The following ZNF354A variants were observed in gnomAD, a reference collection of about 807,000 sequenced individuals.
The protein encoded by ZNF354A is zinc finger protein 354A.
ZNF354A carries 25 observed loss-of-function variants against 53.3 expected under a neutral mutation model. The observed-to-expected ratio is 0.47, with a 90% CI of 0.34 to 0.66. ZNF354A has a LOEUF of 0.66. Ranked by LOEUF, ZNF354A falls within the 30% of genes least tolerant of loss-of-function variation. The probability of loss-of-function intolerance (pLI) is 0.01; values close to 1 mark genes in which losing one functional copy is unlikely to be tolerated. For missense variants in ZNF354A, 586 were observed against 716.8 expected (o/e 0.82, Z 2.08); for synonymous variants, 228 against 249.0 (o/e 0.92, Z 0.79).
At chr5:178,722,412 G>A (rs1488861000) in intron 4 of ZNF354A, among the ~76,000 whole-genome samples, 1 of 152,162 alleles carries the variant, frequency 6.6e-6, no homozygotes, top group Non-Finnish European at 1.5e-5. Context: ...CTCCAAATCT[G>A]ATCTCCTTCT....
At chr5:178,723,976 C>T (rs145931055) in intron 4 of ZNF354A, among the ~76,000 whole-genome samples, 45 of 152,148 alleles carry the variant, frequency 3.0e-4, no homozygotes, top group African/African-American at 8.7e-4. Flanking sequence ...TTCTAATGCC[C>T]ATCATGCTAA....
At chr5:178,717,973 G>A (rs1311303996) in intron 4 of ZNF354A, among the ~76,000 whole-genome samples, 1 of 152,138 alleles carries the variant, frequency 6.6e-6, no homozygotes, top group Non-Finnish European at 1.5e-5. Context: ...AACAATGGGA[G>A]GTGAGAAAAT....
intron 4 of ZNF354A, among the ~76,000 whole-genome samples, 191 bp downstream of exon 4, chr5:178,725,185 G>C (rs1226149076): frequency 4.6e-5 from 7 of 152,200 alleles, no homozygotes; most frequent in Non-Finnish European, 1.0e-4. Flanking sequence ...AAAACAACAG[G>C]AAAGAGTAAG....
intron 4 of ZNF354A, among the ~76,000 whole-genome samples, chr5:178,720,346 C>A (rs998360017): frequency 2.0e-5 from 3 of 152,200 alleles, no homozygotes; most frequent in Admixed American, 2.0e-4. Flanking sequence ...AAAATATGGT[C>A]TTTGCACGTT....
intron 4 of ZNF354A, among the ~76,000 whole-genome samples, chr5:178,722,651 C>T (rs188942885): frequency 6.4e-4 from 98 of 152,294 alleles, no homozygotes; most frequent in African/African-American, 2.1e-3. Flanking sequence ...CCAAGTCACT[C>T]GTGCATTCAT....
At chr5:178,714,252 A>G (rs1204068739) in intron 4 of ZNF354A, among the ~76,000 whole-genome samples, 4 of 151,792 alleles carry the variant, frequency 2.6e-5, no homozygotes, top group East Asian at 3.9e-4. Flanking sequence ...TGATCTACCC[A>G]CCTCGGCCTC....
chr5:178,719,043 T>C (rs1389981336), intron 4 of ZNF354A, among the ~76,000 whole-genome samples: 4 of 152,252 alleles, frequency 2.6e-5, no homozygotes, highest in Admixed American at 2.0e-4. Flanking sequence ...GACTTGCTCC[T>C]GATCTTAAGT....
rs752662745 is a variant in ZNF354A, at chr5:178,713,641, C to G, written c.257-20G>C. 33 of 1,522,206 alleles carry G rather than the reference C, an allele frequency of 2.2e-5. No homozygotes were observed. Among genetic ancestry groups the G allele is most frequent in the Non-Finnish European group, 2.7e-5 (31 of 1,147,208 alleles). The allele number at this position is 1,522,206 out of a possible 1,614,324, so 94.3% of individuals were successfully genotyped here. A position where few individuals can be genotyped will look rare whatever the true frequency, so the allele number is the denominator to read the frequency against. ...TCGATCCTGGAGGGAAAAAAAAAAT[C>G]AAAAATGTTTCATGTGATATCATAG... On this transcript the variant is annotated intron_variant, in intron 4 of 4. Transcript: ENST00000335815.
intron 4 of ZNF354A, among the ~76,000 whole-genome samples, chr5:178,714,155 C>A (rs901645492): frequency 6.6e-6 from 1 of 152,026 alleles, no homozygotes; most frequent in African/African-American, 2.4e-5. Flanking sequence ...CAGGCACCCA[C>A]CATCATGCCT....
chr5:178,727,040 C>T lies in ZNF354A; in HGVS notation c.119G>A (p.Arg40Gln), dbSNP rs148789422. The change falls in exon 3 of 5, where the codon CGG (arginine) becomes CAG (glutamine). Residue 40 changes from arginine to glutamine, a missense_variant. Arg to Gln is a conservative substitution (Grantham distance 43). Around this residue, in one of 2 missense-constraint regions of ZNF354A, gnomAD observed 573 missense variants for 680.1 expected, o/e 0.84. Coordinates refer to ENST00000335815, the MANE Select transcript of ZNF354A (RefSeq NM_005649.3). Reference protein sequence around the residue: ...KLAPSQRNLYRDVMLENYRNL... With the variant: ...KLAPSQRNLYQDVMLENYRNL... ...CCTATAGTTCTCCAGCATCACATCC[C>T]GGTACAAGTTTCTCTGAGAAGGGGC... The T allele has an allele frequency of 6.8e-6, 11 of 1,613,944 alleles. No individual in the cohort carries two copies. The highest frequency in any genetic ancestry group is 2.2e-5 in the East Asian group (1 of 44,872).
chr5:178,722,728 A>T (rs902261420), intron 4 of ZNF354A, among the ~76,000 whole-genome samples: 17 of 152,202 alleles, frequency 1.1e-4, no homozygotes, highest in Admixed American at 2.0e-4. Context: ...AGTGAATGAA[A>T]CAGGCAACCC....
intron 4 of ZNF354A, among the ~76,000 whole-genome samples, chr5:178,717,971 G>T (rs1227482668): frequency 6.6e-6 from 1 of 152,158 alleles, no homozygotes; most frequent in Non-Finnish European, 1.5e-5. Context: ...GAAACAATGG[G>T]AGGTGAGAAA....
chr5:178,713,697 G>A, intron 4 of ZNF354A, 76 bp from the exon 5 acceptor site: 1 of 1,462,062 alleles, frequency 6.8e-7, no homozygotes, highest in Non-Finnish European at 9.0e-7. Context: ...AAGTGTAGAA[G>A]GAATAAATAT....
rs1293929367 is a variant in ZNF354A at position 178,713,365 on chromosome 5, C to T, written c.513G>A (p.Lys171=). Residue 171 remains lysine, a synonymous_variant, in exon 5 of 5, where the codon AAG becomes AAA. Coordinates refer to ENST00000335815, the MANE Select transcript of ZNF354A (RefSeq NM_005649.3). Reference sequence around the variant, plus strand: ...GTATCTGTTGCCTAATAAGCACTGACTTTGGGCTGAAGTTTTGGCTCAATT... The same window carrying T: ...GTATCTGTTGCCTAATAAGCACTGATTTTGGGCTGAAGTTTTGGCTCAATT... ...NTELSQNFSP[K]SVLIRQQILP... The T allele has an allele frequency of 3.1e-6, 5 of 1,614,102 alleles. No homozygotes were observed. Among genetic ancestry groups the T allele is most frequent in the Middle Eastern group, 1.7e-4 (1 of 6,060 alleles).
At chr5:178,720,802 C>T (rs947248874) in intron 4 of ZNF354A, among the ~76,000 whole-genome samples, 20 of 152,248 alleles carry the variant, frequency 1.3e-4, no homozygotes, top group African/African-American at 2.4e-4. Context: ...ACATCAAAAC[C>T]GCTCTTAGCA....
rs1766019354 is a variant in ZNF354A at position 178,730,639 on chromosome 5, G to A, written c.-135C>T. On this transcript the variant is annotated 5_prime_UTR_variant, in exon 1 of 5. Transcript: ENST00000335815. ...CGGCCGGGATGCAGCCTCGCGACCCGGCTCCGCCCCGACGGCGTCTGGGCG... is the reference window on the plus strand; with the variant it reads ...CGGCCGGGATGCAGCCTCGCGACCCAGCTCCGCCCCGACGGCGTCTGGGCG... 1 of 151,862 alleles carries A rather than the reference G, an allele frequency of 6.6e-6. No individual in the cohort carries two copies. 9.4% of individuals were successfully genotyped at this position (151,862 alleles called of 1,614,324 possible).
intron 4 of ZNF354A, 152 bp from the exon 5 acceptor site, chr5:178,713,773 GT>G: frequency 1.3e-6 from 1 of 790,538 alleles, no homozygotes; most frequent in Non-Finnish European, 1.9e-6. Context: ...AAATAGGACA[GT>G]TAGACAGTAT....
intron 3 of ZNF354A, chr5:178,726,099 C>T (rs1765901223): frequency 2.3e-6 from 1 of 442,288 alleles, no homozygotes; most frequent in East Asian, 7.2e-5. Context: ...GCCTCGGCCT[C>T]CCAAAGTGCT....
intron 4 of ZNF354A, among the ~76,000 whole-genome samples, chr5:178,723,970 A>G (rs1443105951): frequency 3.3e-5 from 5 of 151,864 alleles, no homozygotes; most frequent in Non-Finnish European, 5.9e-5. Context: ...CCAAGCTTCT[A>G]ATGCCCATCA....
Sources: gnomAD v4.1 joint callset for allele counts (sites outside exome capture counted in the v4.1 genomes callset) on GRCh38, gnomAD v4.1.1 for gene constraint, gnomAD v4.1.1 regional missense constraint, MANE v1.5 for transcripts, NCBI Gene and HGNC (gene_info 2026-07-23, HGNC 2026-07-21) for gene names.